Variants in REV1 observed in about 807,000 individuals in gnomAD.
REV1 encodes the protein REV1 DNA directed polymerase, also known as translesion synthesis protein REV1.
REV1 carries 42 observed loss-of-function variants against 137.4 expected under a neutral mutation model. The ratio of observed to expected loss-of-function variants is 0.31; its 90% CI spans 0.24 to 0.40. The LOEUF (loss-of-function observed/expected upper bound fraction) is 0.40, where lower values mean the gene tolerates loss of function less well. Ranked by LOEUF, REV1 falls within the 10% of genes least tolerant of loss-of-function variation. The pLI, the probability that REV1 is intolerant of heterozygous loss-of-function variation, is 1.00. For missense variants in REV1, 1,282 were observed against 1,490.1 expected (o/e 0.86, Z 2.30); for synonymous variants, 524 against 519.2 (o/e 1.01, Z -0.12).
In REV1 at chr2:99,424,196, A is replaced by C; in HGVS notation, c.1632T>G (p.His544Gln). 2 of 1,614,064 alleles carry C rather than the reference A, an allele frequency of 1.2e-6. No individual in the cohort carries two copies. Among genetic ancestry groups the C allele is most frequent in the Non-Finnish European group, 1.7e-6 (2 of 1,179,924 alleles). The change falls in exon 10 of 23, where the codon CAT becomes CAG. Residue 544 changes from histidine (H) to glutamine (Q), a missense_variant. By Grantham distance (24) the His-to-Gln change is conservative. Around this residue, in one of 7 missense-constraint regions of REV1, gnomAD observed 372 missense variants for 482.3 expected, o/e 0.77. Coordinates refer to ENST00000258428, the MANE Select transcript of REV1 (RefSeq NM_016316.4). ...PNLQAVPYDF[H>Q]AYKEVAQTLY... ...ATGTTTGTGCGACTTCCTTATATGC[A>C]TGAAAATCGTATGGAACAGCTTGAA...
At chr2:99,419,227 T>TGG (rs1224346643) in intron 11 of REV1, among the ~76,000 whole-genome samples, 20,265 of 141,028 alleles carry the variant, frequency 0.14, 1,932 homozygotes, top group African/African-American at 0.27. Context: ...TTTTTTTTTT[T>TGG]GGGGGATGGA....
chr2:99,435,855 G>C lies in REV1; in HGVS notation c.1300C>G (p.Arg434Gly). 4 of 1,592,404 alleles carry C rather than the reference G, an allele frequency of 2.5e-6. No individual in the cohort carries two copies. Among genetic ancestry groups the C allele is most frequent in the Non-Finnish European group, 3.4e-6 (4 of 1,161,910 alleles). The part of the protein sequence containing the change: ...MDCFFVSVGI[R>G]NRPDLKGKPV... ...AGACCTTTGAGATCTGGTCTATTTC[G>C]TATACCCACTGATACAAAGAAGCAA... Residue 434 changes from arginine to glycine, a missense_variant, in exon 7 of 23, where the codon CGA becomes GGA. Physicochemically the swap from Arg to Gly is moderately radical, Grantham distance 125 (BLOSUM62 -2). This residue lies in a region of REV1 where 432 missense variants were observed against 438.0 expected (regional missense o/e 0.99). Transcript: ENST00000258428.
At chr2:99,435,245 C>T (rs1680591518) in intron 7 of REV1, among the ~76,000 whole-genome samples, 2 of 152,226 alleles carry the variant, frequency 1.3e-5, no homozygotes, top group South Asian at 4.1e-4. Flanking sequence ...AATTGATTCT[C>T]AGAAGAAAAC....
chr2:99,409,339 A>G (rs1286189140), intron 14 of REV1, among the ~76,000 whole-genome samples: 1 of 152,230 alleles, frequency 6.6e-6, no homozygotes, highest in African/African-American at 2.4e-5. Context: ...CATCATATAC[A>G]TGAATGCACC....
intron 1 of REV1, among the ~76,000 whole-genome samples, chr2:99,486,683 C>A (rs1199556122): frequency 3.9e-5 from 6 of 152,230 alleles, no homozygotes; most frequent in African/African-American, 1.4e-4. Context: ...CAGTCTCAAT[C>A]AGTAAATGGT....
intron 19 of REV1, 94 bp downstream of exon 19, chr2:99,403,599 CTT>C: frequency 9.9e-6 from 15 of 1,517,380 alleles, no homozygotes; most frequent in Non-Finnish European, 1.4e-5. Context: ...AATGCAACAG[CTT>C]AGACTTTGCC....
intron 17 of REV1, chr2:99,405,696 G>A: frequency 2.5e-6 from 1 of 395,804 alleles, no homozygotes; most frequent in East Asian, 3.9e-5. Context: ...CAACTTGCAA[G>A]AGTGGCAAAT....
chr2:99,472,816 AAC>A (rs1685566323), intron 1 of REV1, among the ~76,000 whole-genome samples: 1 of 152,366 alleles, frequency 6.6e-6, no homozygotes, highest in Non-Finnish European at 1.5e-5. Flanking sequence ...AAAGTTTGGT[AAC>A]AGTCTGCTCC....
At chr2:99,404,985 T>C (rs2104372991) in intron 17 of REV1, among the ~76,000 whole-genome samples, 1 of 152,274 alleles carries the variant, frequency 6.6e-6, no homozygotes, top group South Asian at 2.1e-4. Context: ...CCAACAGATA[T>C]GAATAGCCTT....
chr2:99,424,458 A>C, intron 9 of REV1, 178 bp from the exon 10 acceptor site: 1 of 662,422 alleles, frequency 1.5e-6, no homozygotes, highest in Non-Finnish European at 2.5e-6. Context: ...CAAAAGTCAC[A>C]ACTGTCTGAA....
Position 99,454,550 on chromosome 2 carries a change from CAAAAAAAAAAAAAAAAAAAAAAAA to C in REV1, c.182-5070_182-5047del, listed in dbSNP as rs373850478. ...GGGCAACAAGAGTGAAACTCCAGCT[CAAAAAAAAAAAAAAAAAAAAAAAA>C]AAAAAAAAAAAAAAAAACCCAAAAA... On this transcript the variant is annotated intron_variant, in intron 3 of 22. Transcript: ENST00000258428. Among the ~76,000 whole-genome samples, 41 of 82,370 alleles carry C rather than the reference CAAAAAAAAAAAAAAAAAAAAAAAA, an allele frequency of 5.0e-4. No homozygotes were observed. In the East Asian group the frequency reaches 0.011, roughly 22 times the overall value. The allele number at this position is 82,370 out of a possible 152,430, so 54.0% of individuals were successfully genotyped here.
intron 19 of REV1, 173 bp downstream of exon 19, chr2:99,403,522 A>G (rs1467502738): frequency 2.4e-6 from 2 of 846,866 alleles, no homozygotes; most frequent in East Asian, 2.6e-5. Flanking sequence ...CACAAATCCA[A>G]CTAGAAATAT....
At chr2:99,456,287 G>A (rs561051117) in intron 3 of REV1, among the ~76,000 whole-genome samples, 1 of 152,332 alleles carries the variant, frequency 6.6e-6, no homozygotes, top group South Asian at 2.1e-4. Context: ...AGGCACTGGA[G>A]ATATGGCAAT....
At chr2:99,446,106 C>T (rs930951975) in intron 4 of REV1, among the ~76,000 whole-genome samples, 11 of 152,182 alleles carry the variant, frequency 7.2e-5, no homozygotes, top group African/African-American at 2.7e-4. Context: ...ACATAATGGA[C>T]TCCTGGCATT....
In REV1 at chr2:99,434,420, T is replaced by C; in HGVS notation, c.1350A>G (p.Arg450=). 1 of 1,602,608 alleles carries C rather than the reference T, an allele frequency of 6.2e-7. No individual in the cohort carries two copies. Among genetic ancestry groups the C allele is most frequent in the East Asian group, 2.3e-5 (1 of 44,282 alleles). ...GACGTAAAGGTGCCCTTCCTGTGCC[T>C]CTGTTACTTGTAACAGCCACTGGTT... ...KGKPVAVTSN[R]GTGRAPLRPG... The change falls in exon 8 of 23, where the codon AGA becomes AGG. Residue 450 remains arginine, a synonymous_variant. Coordinates refer to ENST00000258428, the MANE Select transcript of REV1 (RefSeq NM_016316.4).
chr2:99,404,838 T>G (rs1676050896), intron 17 of REV1, among the ~76,000 whole-genome samples, 161 bp from the exon 18 acceptor site: 1 of 152,180 alleles, frequency 6.6e-6, no homozygotes, highest in African/African-American at 2.4e-5. Context: ...TCAGCACATT[T>G]TTGGAACGTC....
intron 12 of REV1, among the ~76,000 whole-genome samples, chr2:99,416,338 C>T (rs1384004524): frequency 1.3e-5 from 2 of 152,252 alleles, no homozygotes; most frequent in Non-Finnish European, 2.9e-5. Context: ...AGAAGGTTCC[C>T]TCTCCTATAT....
intron 7 of REV1, chr2:99,435,622 G>T: frequency 2.8e-6 from 1 of 360,978 alleles, no homozygotes; most frequent in Non-Finnish European, 4.9e-6. Flanking sequence ...TCCTTCAGCT[G>T]AAGATGAATA....
chr2:99,440,102 T>C lies in REV1; in HGVS notation c.504-792A>G, dbSNP rs554741336. On this transcript the variant is annotated intron_variant, in intron 5 of 22. Transcript: ENST00000258428. ...AATGCATATTTAGATGCCAGGGTGG[T>C]ACAAGGCAATCTGGACCAAGTTTCC... is the stretch of plus-strand genomic sequence containing the variant. Among the ~76,000 whole-genome samples, 4 of 152,272 alleles carry C rather than the reference T, an allele frequency of 2.6e-5. No homozygotes were observed. The East Asian group carries it at 7.7e-4, about 29-fold the overall frequency.
Sources: gnomAD v4.1 joint callset for allele counts (sites outside exome capture counted in the v4.1 genomes callset) on GRCh38, gnomAD v4.1.1 for gene constraint, gnomAD v4.1.1 regional missense constraint, MANE v1.5 for transcripts, NCBI Gene and HGNC (gene_info 2026-07-23, HGNC 2026-07-21) for gene names.